The following TXLNB variants were observed in gnomAD, a reference collection of about 807,000 sequenced individuals.
TXLNB encodes the protein taxilin beta, also known as beta-taxilin.
A neutral mutation model predicts 57.4 loss-of-function variants in TXLNB; 37 were observed. That is an observed-to-expected ratio of 0.64 (90% confidence interval 0.50 to 0.85). The LOEUF (loss-of-function observed/expected upper bound fraction) is 0.85, where lower values mean the gene tolerates loss of function less well. TXLNB is among the 40% of genes least tolerant of loss of function. TXLNB has a pLI of 0.00. For synonymous variants in TXLNB, 302 were observed against 309.6 expected (o/e 0.98, Z 0.26); for missense variants, 848 against 825.6 (o/e 1.03, Z -0.33).
chr6:139,250,115 A>C (rs1776160763), intron 7 of TXLNB, among the ~76,000 whole-genome samples: 1 of 151,532 alleles, frequency 6.6e-6, no homozygotes, highest in East Asian at 1.9e-4. Flanking sequence ...CCTGGGCTTA[A>C]GGGATCCTCC....
At chr6:139,220,434 G>C in the TXLNB span, among the ~76,000 whole-genome samples, 1 of 152,206 alleles carries the variant, frequency 6.6e-6, no homozygotes, top group Non-Finnish European at 1.5e-5. Context: ...TAGTTTATGG[G>C]GTGAATATCT....
chr6:139,294,968 G>A (rs147086677), upstream of TXLNB, among the ~76,000 whole-genome samples: 672 of 151,670 alleles, frequency 4.4e-3, 6 homozygotes, highest in East Asian at 0.03. Context: ...CAGCCTGGGC[G>A]ACAGAGCAAG....
At position 139,247,889 on chromosome 6, in the gene TXLNB, C is replaced by A; in HGVS notation, c.1098G>T (p.Arg366Ser). Residue 366 changes from arginine to serine, a missense_variant, in exon 8 of 10, where the codon AGG becomes AGT. Physicochemically the swap from Arg to Ser is moderately radical, Grantham distance 110 (BLOSUM62 -1). Coordinates refer to ENST00000358430, the MANE Select transcript of TXLNB (RefSeq NM_153235.4). ...TTAGTGTGCTCTGGAATTCTTCAAA[C>A]CTTCCTGAGTAGAGAGTGAGCTGTA... is the stretch of plus-strand genomic sequence containing the variant. Reference protein sequence around the residue: ...LQAQLTLYSGRFEEFQSTLTK... With the variant: ...LQAQLTLYSGSFEEFQSTLTK... The A allele has an allele frequency of 6.2e-7, 1 of 1,606,270 alleles. No homozygotes were observed. Among genetic ancestry groups the A allele is most frequent in the Non-Finnish European group, 8.5e-7 (1 of 1,175,968 alleles).
the TXLNB span, among the ~76,000 whole-genome samples, chr6:139,183,911 G>A: frequency 6.7e-6 from 1 of 148,546 alleles, no homozygotes; most frequent in African/African-American, 2.6e-5. Context: ...AAGCCTGTCA[G>A]ACATTATATG....
At chr6:139,192,521 TGATA>T in the TXLNB span, among the ~76,000 whole-genome samples, 1 of 152,216 alleles carries the variant, frequency 6.6e-6, no homozygotes, top group African/African-American at 2.4e-5. Context: ...TCTATTTCAC[TGATA>T]TATACCAAGT....
chr6:139,166,454 A>G, the TXLNB span: 1 of 1,614,204 alleles, frequency 6.2e-7, no homozygotes, highest in Admixed American at 1.7e-5. Flanking sequence ...GTTCAACTGC[A>G]TCGGCCGCGC....
At chr6:139,163,248 C>T in the TXLNB span, among the ~76,000 whole-genome samples, 1 of 152,168 alleles carries the variant, frequency 6.6e-6, no homozygotes, top group Non-Finnish European at 1.5e-5. Context: ...AGACATCTTA[C>T]AGGATGGCTC....
chr6:139,321,518 C>G, the TXLNB span, among the ~76,000 whole-genome samples: 1 of 150,536 alleles, frequency 6.6e-6, no homozygotes, highest in Non-Finnish European at 1.5e-5. Flanking sequence ...TATAGCAGCC[C>G]ACATGGGCTA....
chr6:139,182,612 C>T, the TXLNB span, among the ~76,000 whole-genome samples: 6 of 148,964 alleles, frequency 4.0e-5, no homozygotes, highest in Non-Finnish European at 7.4e-5. Context: ...TTGAGCTTTT[C>T]TTCTTTTTCT....
At chr6:139,171,836 G>GTT in the TXLNB span, among the ~76,000 whole-genome samples, 1 of 141,604 alleles carries the variant, frequency 7.1e-6, no homozygotes. Flanking sequence ...TTGTTGTTGT[G>GTT]TTTTTTTTTT....
chr6:139,295,431 T>C (rs964252937), upstream of TXLNB, among the ~76,000 whole-genome samples: 1 of 152,238 alleles, frequency 6.6e-6, no homozygotes, highest in African/African-American at 2.4e-5. Context: ...TCTAACTGTT[T>C]ACGCAAATAT....
chr6:139,174,414 G>A, the TXLNB span: 4 of 1,613,836 alleles, frequency 2.5e-6, no homozygotes, highest in East Asian at 2.2e-5. Context: ...TGCCGTGTGC[G>A]TGGACTGCCT....
the TXLNB span, among the ~76,000 whole-genome samples, chr6:139,196,818 C>T: frequency 1.4e-3 from 210 of 152,238 alleles, 6 homozygotes; most frequent in South Asian, 0.041. Context: ...GAGTTCTATA[C>T]TATCTTTGGT....
intron 4 of TXLNB, among the ~76,000 whole-genome samples, chr6:139,268,138 A>C (rs1025195757): frequency 1.4e-5 from 2 of 143,244 alleles, no homozygotes; most frequent in African/African-American, 5.4e-5. Context: ...CGACAGAGCG[A>C]GACTCCATCT....
rs1206082658 is a variant in TXLNB at position 139,247,877 on chromosome 6, G to T, written c.1110C>A (p.Phe370Leu). Reference protein sequence around the residue: ...LTLYSGRFEEFQSTLTKSNEV... With the variant: ...LTLYSGRFEELQSTLTKSNEV... ...CGTTGCTTTTAGTTAGTGTGCTCTG[G>T]AATTCTTCAAACCTTCCTGAGTAGA... The change falls in exon 8 of 10, where the codon TTC becomes TTA. Residue 370 changes from phenylalanine (F) to leucine (L), a missense_variant. Phe to Leu is a conservative substitution (Grantham distance 22). Coordinates refer to ENST00000358430, the MANE Select transcript of TXLNB (RefSeq NM_153235.4). 1.2e-6 allele frequency: 2 copies of T among 1,607,972 alleles called. No homozygotes were observed. Among genetic ancestry groups the T allele is most frequent in the Admixed American group, 1.7e-5 (1 of 59,148 alleles).
the TXLNB span, among the ~76,000 whole-genome samples, chr6:139,165,419 AT>A: frequency 6.6e-6 from 1 of 152,178 alleles, no homozygotes; most frequent in South Asian, 2.1e-4. Flanking sequence ...TTGTCATTTA[AT>A]TTCATAGTTG....
At position 139,288,800 on chromosome 6, in the gene TXLNB, C is replaced by T; in HGVS notation, c.100G>A (p.Asp34Asn). Residue 34 changes from aspartate to asparagine, a missense_variant, in exon 2 of 10, where the codon GAT (aspartate) becomes AAT (asparagine). Asp to Asn is a conservative substitution (Grantham distance 23). Transcript: ENST00000358430. ...LPSHNGLEKE[D>N]GQDSPTPVQP... Reference sequence around the variant, plus strand: ...ACTGGGGTTGGAGAATCCTGGCCATCTTCCTTCTCCAGGCCATTGTGACTG... The same window carrying T: ...ACTGGGGTTGGAGAATCCTGGCCATTTTCCTTCTCCAGGCCATTGTGACTG... The T allele has an allele frequency of 6.2e-7, 1 of 1,614,210 alleles. No individual in the cohort carries two copies. The highest frequency in any genetic ancestry group is 1.1e-5 in the South Asian group (1 of 91,080).
Position 139,243,205 on chromosome 6 carries a change from C to T in TXLNB, c.1376G>A (p.Arg459Lys). ...ATCCTTTTCAGATATTTCTGCGTCT[C>T]TGATTTTTTTGTGGAGTTCGTTTCT... ...EERNELHKKI[R>K]DAEISEKDDQ... Residue 459 changes from arginine (R) to lysine (K), a missense_variant, in exon 10 of 10, where the codon AGA becomes AAA. By Grantham distance (26) the Arg-to-Lys change is conservative. Coordinates refer to ENST00000358430, the MANE Select transcript of TXLNB (RefSeq NM_153235.4). 6.2e-7 allele frequency: 1 copy of T among 1,614,144 alleles called. No homozygotes were observed. Among genetic ancestry groups the T allele is most frequent in the Non-Finnish European group, 8.5e-7 (1 of 1,180,038 alleles).
At chr6:139,289,019 A>C in intron 1 of TXLNB, 106 bp from the exon 2 acceptor site, 1 of 798,340 alleles carries the variant, frequency 1.3e-6, no homozygotes, top group East Asian at 2.7e-5. Context: ...AACTAATTAT[A>C]GTCTCTAACG....
Sources: allele counts gnomAD v4.1 joint callset (sites outside exome capture counted in the v4.1 genomes callset), GRCh38; gene constraint gnomAD v4.1.1; transcripts MANE v1.5; gene names NCBI Gene and HGNC (gene_info 2026-07-23, HGNC 2026-07-21).